The following STMN2 variants were observed in gnomAD, a reference collection of about 807,000 sequenced individuals.
STMN2 encodes the protein stathmin-2.
STMN2 carries 2 observed loss-of-function variants against 24.1 expected under a neutral mutation model. The observed-to-expected ratio is 0.08, with a 90% CI of 0.03 to 0.26. The LOEUF is 0.26. Ranked by LOEUF, STMN2 falls within the 10% of genes least tolerant of loss-of-function variation. The pLI is 1.00. For missense variants in STMN2, 114 were observed against 213.6 expected (o/e 0.53, Z 2.91); for synonymous variants, 83 against 77.5 (o/e 1.07, Z -0.37).
At chr8:79,662,838 C>T (rs1340268971) in intron 4 of STMN2, among the ~76,000 whole-genome samples, 1 of 152,088 alleles carries the variant, frequency 6.6e-6, no homozygotes, top group African/African-American at 2.4e-5. Flanking sequence ...TTTTTCCTAG[C>T]ATAGTGATGG....
chr8:79,626,913 C>T (rs1165405198), intron 1 of STMN2, among the ~76,000 whole-genome samples: 2 of 151,958 alleles, frequency 1.3e-5, no homozygotes, highest in Non-Finnish European at 2.9e-5. Flanking sequence ...CCTTGAAAAA[C>T]ACAAAAAGAA....
At chr8:79,638,491 G>T (rs534610672) in intron 2 of STMN2, among the ~76,000 whole-genome samples, 3 of 152,074 alleles carry the variant, frequency 2.0e-5, no homozygotes, top group Admixed American at 2.0e-4. Flanking sequence ...AAAAGAGTCC[G>T]TAGAGAATTT....
At chr8:79,625,825 G>T (rs904198874) in intron 1 of STMN2, among the ~76,000 whole-genome samples, 24 of 152,258 alleles carry the variant, frequency 1.6e-4, no homozygotes, top group Non-Finnish European at 1.9e-4. Flanking sequence ...GGATGTGGTG[G>T]TTGCCGCCTG....
intron 4 of STMN2, 121 bp downstream of exon 4, chr8:79,655,183 C>A: frequency 9.3e-7 from 1 of 1,072,856 alleles, no homozygotes; most frequent in Non-Finnish European, 1.3e-6. Flanking sequence ...GGACAACTAA[C>A]TCCCATGGGC....
chr8:79,656,713 G>A (rs756218870), intron 4 of STMN2, among the ~76,000 whole-genome samples: 1 of 152,098 alleles, frequency 6.6e-6, no homozygotes, highest in Non-Finnish European at 1.5e-5. Context: ...TCACATCCTA[G>A]GCCCTAAAAC....
intron 2 of STMN2, 116 bp from the exon 3 acceptor site, chr8:79,641,262 T>G (rs1322723712): frequency 8.8e-7 from 1 of 1,133,632 alleles, no homozygotes. Context: ...AAACAGCATT[T>G]TATTCCTATC....
chr8:79,646,043 C>A (rs1274490681), intron 3 of STMN2, among the ~76,000 whole-genome samples: 3 of 151,990 alleles, frequency 2.0e-5, no homozygotes, highest in African/African-American at 7.3e-5. Context: ...TGCCTGAGTA[C>A]TACAAATGTT....
chr8:79,647,109 C>G (rs558332777), intron 3 of STMN2, among the ~76,000 whole-genome samples: 13 of 152,272 alleles, frequency 8.5e-5, no homozygotes, highest in African/African-American at 3.1e-4. Flanking sequence ...GCAACATTTT[C>G]GTTGCCCTGG....
chr8:79,620,151 A>G (rs1181711274), intron 1 of STMN2, among the ~76,000 whole-genome samples: 1 of 148,424 alleles, frequency 6.7e-6, no homozygotes, highest in Non-Finnish European at 1.5e-5. Flanking sequence ...CTCGGAACAC[A>G]GGTCTAATAT....
chr8:79,613,959 T>C (rs1428835410), intron 1 of STMN2, among the ~76,000 whole-genome samples: 1 of 152,152 alleles, frequency 6.6e-6, no homozygotes, highest in Admixed American at 6.6e-5. Context: ...CATATATAAT[T>C]GAGATGATCT....
chr8:79,632,187 T>C (rs1219410708), intron 1 of STMN2, among the ~76,000 whole-genome samples: 1 of 152,144 alleles, frequency 6.6e-6, no homozygotes, highest in Admixed American at 6.5e-5. Context: ...GGGGTTTTTT[T>C]CTTAAGGAAA....
intron 1 of STMN2, among the ~76,000 whole-genome samples, chr8:79,614,165 C>T (rs1259933471): frequency 6.6e-6 from 1 of 152,166 alleles, no homozygotes; most frequent in Non-Finnish European, 1.5e-5. Context: ...AGCATCCTTT[C>T]TGGCCATAAT....
chr8:79,615,368 G>A (rs772653570), intron 1 of STMN2, among the ~76,000 whole-genome samples: 1 of 152,174 alleles, frequency 6.6e-6, no homozygotes, highest in African/African-American at 2.4e-5. Flanking sequence ...CTAGGCCTGG[G>A]CGTGGCCACT....
At chr8:79,653,171 G>A (rs1810372686) in intron 3 of STMN2, among the ~76,000 whole-genome samples, 1 of 152,098 alleles carries the variant, frequency 6.6e-6, no homozygotes, top group Non-Finnish European at 1.5e-5. Context: ...TAAGCCAGGA[G>A]TTCAAGACTA....
At chr8:79,638,154 G>T (rs1810009383) in intron 2 of STMN2, among the ~76,000 whole-genome samples, 1 of 152,200 alleles carries the variant, frequency 6.6e-6, no homozygotes, top group Admixed American at 6.5e-5. Context: ...TCGAACTATG[G>T]GTTGTCACTG....
chr8:79,664,282 T>C (rs1310131704), intron 4 of STMN2, among the ~76,000 whole-genome samples: 1 of 152,190 alleles, frequency 6.6e-6, no homozygotes, highest in Non-Finnish European at 1.5e-5. Flanking sequence ...GACAATTCCA[T>C]TAAACTGAAA....
chr8:79,634,221 A>G (rs941409078), intron 1 of STMN2, among the ~76,000 whole-genome samples: 2 of 152,232 alleles, frequency 1.3e-5, no homozygotes, highest in East Asian at 3.8e-4. Context: ...TAAATGTATT[A>G]AATGTTTTAT....
At chr8:79,661,009 A>G (rs1806489943) in intron 4 of STMN2, among the ~76,000 whole-genome samples, 1 of 152,296 alleles carries the variant, frequency 6.6e-6, no homozygotes, top group East Asian at 1.9e-4. Context: ...GTAGTATTAC[A>G]TGGTGTATAT....
chr8:79,638,810 G>A (rs935103514), intron 2 of STMN2, among the ~76,000 whole-genome samples: 1 of 152,126 alleles, frequency 6.6e-6, no homozygotes, highest in African/African-American at 2.4e-5. Context: ...AATATAGGCA[G>A]TTCTAATTCC....
Sources: gnomAD v4.1 joint callset for allele counts (sites outside exome capture counted in the v4.1 genomes callset) on GRCh38, gnomAD v4.1.1 for gene constraint, MANE v1.5 for transcripts, NCBI Gene and HGNC (gene_info 2026-07-23, HGNC 2026-07-21) for gene names.